Variants in TUSC3 observed in about 807,000 individuals in gnomAD.
The protein encoded by TUSC3 is tumor suppressor candidate 3, also known as dolichyl-diphosphooligosaccharide--protein glycosyltransferase subunit TUSC3.
In TUSC3, 45 loss-of-function variants were observed where a neutral mutation model predicts 44.8. The observed-to-expected ratio is 1.00, with a 90% confidence interval of 0.79 to 1.29. The LOEUF (loss-of-function observed/expected upper bound fraction) is 1.29. Ranked by LOEUF, TUSC3 falls within the 50% of genes most tolerant of loss-of-function variation. The pLI, the probability that TUSC3 is intolerant of heterozygous loss-of-function variation, is 0.00. For synonymous variants in TUSC3, 212 were observed against 152.9 expected (o/e 1.39, Z -2.85); for missense variants, 519 against 437.9 (o/e 1.19, Z -1.65).
chr8:15,828,408 G>C, the TUSC3 span, among the ~76,000 whole-genome samples: 1 of 152,104 alleles, frequency 6.6e-6, no homozygotes, highest in Non-Finnish European at 1.5e-5. Flanking sequence ...CTTAGTTTCT[G>C]TTACCATTGA....
chr8:15,659,038 T>C (rs1455469228), intron 3 of TUSC3, among the ~76,000 whole-genome samples: 1 of 152,182 alleles, frequency 6.6e-6, no homozygotes, highest in Non-Finnish European at 1.5e-5. Context: ...ACATTTGTAA[T>C]AGGGAATTCA....
At chr8:15,760,599 A>G (rs1171099413) in intron 10 of TUSC3, among the ~76,000 whole-genome samples, 2 of 152,148 alleles carry the variant, frequency 1.3e-5, no homozygotes, top group Non-Finnish European at 2.9e-5. Flanking sequence ...TCAACAAAGA[A>G]TATTTTGTGA....
the TUSC3 span, among the ~76,000 whole-genome samples, chr8:15,820,067 G>A: frequency 6.6e-6 from 1 of 152,008 alleles, no homozygotes; most frequent in Non-Finnish European, 1.5e-5. Flanking sequence ...GTTATGAATT[G>A]CTGTTCAATA....
the TUSC3 span, among the ~76,000 whole-genome samples, chr8:15,817,510 AGGTAATTGAATCATGGG>A: frequency 2.0e-5 from 3 of 152,042 alleles, no homozygotes; most frequent in African/African-American, 7.2e-5. Flanking sequence ...ACCTCGTGGG[AGGTAATTGAATCATGGG>A]GGTGGTTACC....
At chr8:15,427,138 A>T (rs1799814110) in intron 1 of TUSC3, among the ~76,000 whole-genome samples, 1 of 145,956 alleles carries the variant, frequency 6.9e-6, no homozygotes, top group African/African-American at 2.5e-5. Context: ...TTAACCCCTT[A>T]TGAGATACAT....
At chr8:15,833,224 G>A in the TUSC3 span, among the ~76,000 whole-genome samples, 1 of 152,236 alleles carries the variant, frequency 6.6e-6, no homozygotes, top group East Asian at 1.9e-4. Context: ...TGCTGGCAAG[G>A]TTGCGGAGAA....
intron 7 of TUSC3, among the ~76,000 whole-genome samples, chr8:15,738,822 TCTTG>T (rs1320170343): frequency 0.016 from 2,252 of 136,570 alleles, 108 homozygotes; most frequent in African/African-American, 0.059. Context: ...TATTAATATA[TCTTG>T]CTTTTTTTTT....
intron 1 of TUSC3, among the ~76,000 whole-genome samples, chr8:15,430,209 C>A (rs1799855045): frequency 6.9e-6 from 1 of 145,854 alleles, no homozygotes; most frequent in African/African-American, 2.6e-5. Context: ...CCTTGATGAA[C>A]ATTGATGCAA....
At chr8:15,811,398 G>A in the TUSC3 span, among the ~76,000 whole-genome samples, 4 of 152,132 alleles carry the variant, frequency 2.6e-5, no homozygotes, top group Admixed American at 6.6e-5. Context: ...GATCATAAGA[G>A]AAAGACCCAG....
At chr8:15,436,456 T>C (rs1054267722) in intron 1 of TUSC3, among the ~76,000 whole-genome samples, 2 of 152,232 alleles carry the variant, frequency 1.3e-5, no homozygotes, top group Non-Finnish European at 2.9e-5. Flanking sequence ...CTTTGCTGTT[T>C]TGTTTAGACT....
chr8:15,832,372 C>G, the TUSC3 span, among the ~76,000 whole-genome samples: 1 of 152,140 alleles, frequency 6.6e-6, no homozygotes, highest in Non-Finnish European at 1.5e-5. Flanking sequence ...ATCAGCCACA[C>G]AAACAAGTCT....
intron 2 of TUSC3, among the ~76,000 whole-genome samples, chr8:15,526,119 G>A (rs1801369960): frequency 6.6e-6 from 1 of 151,820 alleles, no homozygotes; most frequent in Admixed American, 6.6e-5. Flanking sequence ...TGCAAGCTCC[G>A]CCTCCAGGGT....
At chr8:15,488,741 G>C (rs1238014180) in intron 2 of TUSC3, among the ~76,000 whole-genome samples, 1 of 152,154 alleles carries the variant, frequency 6.6e-6, no homozygotes, top group African/African-American at 2.4e-5. Context: ...TGGCAAGAAA[G>C]TGCAGACTGT....
chr8:15,770,062 G>A (rs927267366), downstream of TUSC3, among the ~76,000 whole-genome samples: 3 of 152,018 alleles, frequency 2.0e-5, no homozygotes, highest in Non-Finnish European at 4.4e-5. Flanking sequence ...CCCATTACTG[G>A]GTATATACAC....
chr8:15,667,102 TCTA>T (rs1372795875), intron 5 of TUSC3, among the ~76,000 whole-genome samples: 1 of 151,570 alleles, frequency 6.6e-6, no homozygotes, highest in Non-Finnish European at 1.5e-5. Context: ...CATACATGGA[TCTA>T]CTACACTTCA....
chr8:15,573,636 T>G (rs919354956), intron 1 of TUSC3, among the ~76,000 whole-genome samples: 1 of 151,454 alleles, frequency 6.6e-6, no homozygotes, highest in Non-Finnish European at 1.5e-5. Context: ...GAGGAAGTTG[T>G]TTATGAACCC....
chr8:15,566,800 ATG>A (rs929689453), intron 1 of TUSC3, among the ~76,000 whole-genome samples: 5 of 151,994 alleles, frequency 3.3e-5, no homozygotes, highest in African/African-American at 9.7e-5. Context: ...ATTTGTGTGT[ATG>A]TGTTTGTGTT....
intron 4 of TUSC3, among the ~76,000 whole-genome samples, chr8:15,660,357 A>T (rs1473278165): frequency 6.6e-6 from 1 of 152,086 alleles, no homozygotes; most frequent in Non-Finnish European, 1.5e-5. Flanking sequence ...GAAAAATAGT[A>T]TTAATTAATA....
At chr8:15,641,456 A>G (rs1806368110) in intron 2 of TUSC3, among the ~76,000 whole-genome samples, 1 of 152,208 alleles carries the variant, frequency 6.6e-6, no homozygotes, top group Admixed American at 6.5e-5. Flanking sequence ...ATCAAAGGAA[A>G]TTAAAATTTG....
Sources: allele counts gnomAD v4.1 joint callset (sites outside exome capture counted in the v4.1 genomes callset), GRCh38; gene constraint gnomAD v4.1.1; transcripts MANE v1.5; gene names NCBI Gene and HGNC (gene_info 2026-07-23, HGNC 2026-07-21).